DPYD: variants seen among roughly 807,000 people sequenced by gnomAD.
DPYD encodes dihydropyrimidine dehydrogenase, also known as dihydropyrimidine dehydrogenase [NADP(+)].
Under a neutral mutation model 116.2 loss-of-function variants are expected in DPYD, and 109 were observed. The ratio of observed to expected loss-of-function variants is 0.94; its 90% CI spans 0.80 to 1.10. The LOEUF (loss-of-function observed/expected upper bound fraction) is 1.10. Ranked by LOEUF, DPYD falls within the 50% of genes least tolerant of loss-of-function variation. The probability of loss-of-function intolerance (pLI) is 0.00; values close to 1 mark genes in which losing one functional copy is unlikely to be tolerated. For missense variants in DPYD, 1,302 were observed against 1,254.5 expected (o/e 1.04, Z -0.57); for synonymous variants, 440 against 432.0 (o/e 1.02, Z -0.23).
chr1:97,235,567 T>C (rs1396451467), intron 18 of DPYD, among the ~76,000 whole-genome samples: 2 of 151,440 alleles, frequency 1.3e-5, no homozygotes, highest in East Asian at 1.9e-4. Context: ...GAGGTTGCAG[T>C]GAGCCGAGAT....
At chr1:97,448,945 A>G (rs951917025) in intron 14 of DPYD, among the ~76,000 whole-genome samples, 1 of 151,858 alleles carries the variant, frequency 6.6e-6, no homozygotes, top group African/African-American at 2.4e-5. Flanking sequence ...ATTTTATGTC[A>G]AGTTCTATGT....
At chr1:97,847,693 G>C (rs1415199588) in intron 2 of DPYD, among the ~76,000 whole-genome samples, 1 of 152,078 alleles carries the variant, frequency 6.6e-6, no homozygotes, top group Non-Finnish European at 1.5e-5. Context: ...CATTAATCAG[G>C]AGAAAAACTT....
At chr1:97,583,653 T>G (rs1256183628) in intron 10 of DPYD, among the ~76,000 whole-genome samples, 1 of 119,182 alleles carries the variant, frequency 8.4e-6, no homozygotes, top group Non-Finnish European at 1.8e-5. Flanking sequence ...GTATTTCCTT[T>G]TTTTTTTTTT....
chr1:97,139,230 G>A (rs938787590), intron 20 of DPYD, among the ~76,000 whole-genome samples: 4 of 152,062 alleles, frequency 2.6e-5, no homozygotes, highest in Non-Finnish European at 5.9e-5. Flanking sequence ...CAGTCATGGT[G>A]CCTCAGATTC....
At chr1:97,433,571 T>C (rs536398141) in intron 14 of DPYD, among the ~76,000 whole-genome samples, 3 of 152,280 alleles carry the variant, frequency 2.0e-5, no homozygotes, top group East Asian at 3.9e-4. Flanking sequence ...TCTTTTGTTA[T>C]GGTTATTAGG....
At chr1:97,714,552 G>C (rs1328285391) in intron 5 of DPYD, among the ~76,000 whole-genome samples, 5 of 149,932 alleles carry the variant, frequency 3.3e-5, no homozygotes, top group Admixed American at 6.8e-5. Flanking sequence ...TTTTTCAGTA[G>C]TGCTGTAATG....
chr1:97,183,897 C>T (rs549869107), intron 20 of DPYD, among the ~76,000 whole-genome samples: 37 of 151,974 alleles, frequency 2.4e-4, no homozygotes, highest in African/African-American at 8.4e-4. Flanking sequence ...TTATTTTTTT[C>T]CTGATCCTCT....
intron 14 of DPYD, among the ~76,000 whole-genome samples, chr1:97,423,814 C>T (rs181397330): frequency 2.0e-5 from 3 of 152,302 alleles, no homozygotes; most frequent in Admixed American, 2.0e-4. Context: ...GTCCTCTTCT[C>T]TCTTTGGACA....
intron 13 of DPYD, among the ~76,000 whole-genome samples, chr1:97,453,005 G>T (rs996484791): frequency 2.0e-5 from 3 of 151,938 alleles, no homozygotes; most frequent in African/African-American, 7.3e-5. Context: ...CTAGAATTGG[G>T]TTCTTGCTTG....
intron 19 of DPYD, among the ~76,000 whole-genome samples, chr1:97,195,050 A>G (rs566317092): frequency 6.6e-6 from 1 of 152,164 alleles, no homozygotes; most frequent in Admixed American, 6.5e-5. Context: ...TTGATATCAC[A>G]TGTAGACTCC....
At chr1:97,880,421 T>C (rs1364741222) in intron 2 of DPYD, among the ~76,000 whole-genome samples, 1 of 151,876 alleles carries the variant, frequency 6.6e-6, no homozygotes, top group African/African-American at 2.4e-5. Context: ...CAATTATTTA[T>C]GCCAGCATGA....
intron 4 of DPYD, among the ~76,000 whole-genome samples, chr1:97,722,792 A>C (rs1264905796): frequency 6.6e-6 from 1 of 151,510 alleles, no homozygotes; most frequent in South Asian, 2.1e-4. Context: ...GCACTTTAAA[A>C]GACTTTTATT....
Position 97,841,648 on chromosome 1 carries a change from C to T in DPYD, c.151-13452G>A, listed in dbSNP as rs537800873. On this transcript the variant is annotated intron_variant, in intron 2 of 22. Transcript: ENST00000370192. ...ATAAGTATTTAATTTAAACCAGTTT[C>T]CTGAACCTGACAGGATCATAGAAAC... Among the ~76,000 whole-genome samples the T allele has an allele frequency of 7.9e-5, 12 of 152,032 alleles. 1 individual carries two copies. The South Asian group carries it at 2.5e-3, about 32-fold the overall frequency.
At chr1:97,323,627 T>C (rs1326403723) in intron 16 of DPYD, among the ~76,000 whole-genome samples, 6 of 58,248 alleles carry the variant, frequency 1.0e-4, no homozygotes, top group Admixed American at 3.8e-4. Flanking sequence ...TATATACATA[T>C]CATATATACA....
chr1:97,638,324 A>G (rs1303527906), intron 8 of DPYD, among the ~76,000 whole-genome samples: 1 of 152,122 alleles, frequency 6.6e-6, no homozygotes, highest in Non-Finnish European at 1.5e-5. Context: ...TCCACAGAGA[A>G]CTATGCCCTG....
chr1:97,495,029 G>A (rs954537420), intron 13 of DPYD, among the ~76,000 whole-genome samples: 1 of 152,148 alleles, frequency 6.6e-6, no homozygotes, highest in Admixed American at 6.5e-5. Context: ...CACAATCATA[G>A]TTTGTGGATT....
intron 13 of DPYD, among the ~76,000 whole-genome samples, chr1:97,473,443 G>T (rs942614013): frequency 9.2e-5 from 14 of 152,118 alleles, no homozygotes; most frequent in African/African-American, 2.9e-4. Context: ...GTCAACATGG[G>T]AGTGCAGGTA....
intron 8 of DPYD, among the ~76,000 whole-genome samples, chr1:97,651,489 G>T (rs1658579735): frequency 6.6e-6 from 1 of 152,094 alleles, no homozygotes; most frequent in Non-Finnish European, 1.5e-5. Context: ...TTCACCCGCT[G>T]CAAGGCTGCC....
intron 11 of DPYD, among the ~76,000 whole-genome samples, chr1:97,551,305 G>C (rs966670360): frequency 1.3e-5 from 2 of 152,010 alleles, no homozygotes; most frequent in Non-Finnish European, 2.9e-5. Context: ...TTTATCATTT[G>C]TTCCCTGTTG....
Sources: allele counts gnomAD v4.1 joint callset (sites outside exome capture counted in the v4.1 genomes callset), GRCh38; gene constraint gnomAD v4.1.1; transcripts MANE v1.5; gene names NCBI Gene and HGNC (gene_info 2026-07-23, HGNC 2026-07-21).